The following IRAK2 variants were observed in gnomAD, a reference collection of about 807,000 sequenced individuals.
IRAK2 encodes interleukin-1 receptor-associated kinase-like 2.
A neutral mutation model predicts 72.0 loss-of-function variants in IRAK2; 57 were observed. The observed-to-expected ratio is 0.79, with a 90% CI of 0.64 to 0.99. IRAK2 has a LOEUF of 0.99. Ranked by LOEUF, IRAK2 falls within the 50% of genes least tolerant of loss-of-function variation. IRAK2 has a pLI of 0.00. For synonymous variants in IRAK2, 293 were observed against 312.7 expected (o/e 0.94, Z 0.67); for missense variants, 790 against 794.4 (o/e 0.99, Z 0.07).
chr3:10,174,937 A>AAAAAAAAAAAAAT (rs1696849438), intron 1 of IRAK2, among the ~76,000 whole-genome samples: 1 of 151,518 alleles, frequency 6.6e-6, no homozygotes, highest in African/African-American at 2.4e-5. Context: ...TGTACCAAAA[A>AAAAAAAAAAAAAT]AAAAAATTAG....
chr3:10,219,796 G>C lies in IRAK2; in HGVS notation c.1013+7G>C, dbSNP rs374565106. ...TCCACAGCAACGTCAAGAGGTGAGA[G>C]AGGTGGGCTGGACCCTGCTGGGGCC... On this transcript the variant is annotated splice_region_variant and intron_variant, in intron 8 of 12. Transcript: ENST00000256458. 3 of 1,600,962 alleles carry C rather than the reference G, an allele frequency of 1.9e-6. No homozygotes were observed. The highest frequency in any genetic ancestry group is 2.7e-5 in the African/African-American group (2 of 74,580).
At position 10,164,929 on chromosome 3, in the gene IRAK2, C is replaced by G; in HGVS notation, c.-26C>G. ...CGCAGTGTCCGACCCAGTCGTCCCG[C>G]GCCGGAGCCGGCCCCGTAGCGTGCC... On this transcript the variant is annotated 5_prime_UTR_variant, in exon 1 of 13. Transcript: ENST00000256458. 6.4e-7 allele frequency: 1 copy of G among 1,564,660 alleles called. No homozygotes were observed. The highest frequency in any genetic ancestry group is 8.7e-7 in the Non-Finnish European group (1 of 1,149,274).
At chr3:10,233,656 C>T (rs971553606) in intron 10 of IRAK2, among the ~76,000 whole-genome samples, 1 of 152,010 alleles carries the variant, frequency 6.6e-6, no homozygotes, top group African/African-American at 2.4e-5. Context: ...ATGTTTGTAT[C>T]ATAAGAGATT....
chr3:10,197,830 C>T (rs1218939216), intron 2 of IRAK2, among the ~76,000 whole-genome samples: 3 of 148,160 alleles, frequency 2.0e-5, no homozygotes, highest in South Asian at 2.1e-4. Context: ...CTAGCCTGGG[C>T]GACAGAGTGA....
rs1452415381 is a variant in IRAK2, at chr3:10,239,146, C to CGAAT, written c.1765+107_1765+108insGAAT. On this transcript the variant is annotated intron_variant, in intron 12 of 12. Transcript: ENST00000256458. ...TCATTCACTCCTTCATTTGGTTATT[C>CGAAT]AGCCATTCACCAACCAGCCAGTTTT... 6.6e-6 allele frequency: 7 copies of CGAAT among 1,054,504 alleles called. No homozygotes were observed. The Admixed American group carries it at 1.1e-4, about 17-fold the overall frequency. The allele number at this position is 1,054,504 out of a possible 1,614,324, so 65.3% of individuals were successfully genotyped here. A position where few individuals can be genotyped will look rare whatever the true frequency, so the allele number is the denominator to read the frequency against.
chr3:10,232,486 A>G (rs946188549), intron 10 of IRAK2, among the ~76,000 whole-genome samples: 1 of 152,174 alleles, frequency 6.6e-6, no homozygotes, highest in African/African-American at 2.4e-5. Flanking sequence ...TTTAGTGCTA[A>G]GATTGATCAG....
At chr3:10,184,723 G>GTTTTTT (rs55839723) in intron 2 of IRAK2, among the ~76,000 whole-genome samples, 15 of 102,022 alleles carry the variant, frequency 1.5e-4, no homozygotes, top group East Asian at 7.4e-4. Context: ...GTTTTTGTGT[G>GTTTTTT]TTTTTTTTTT....
intron 1 of IRAK2, among the ~76,000 whole-genome samples, chr3:10,171,982 A>G (rs1222491319): frequency 1.3e-5 from 2 of 151,996 alleles, no homozygotes; most frequent in African/African-American, 4.8e-5. Context: ...TCACGGCTGT[A>G]ATCTCAGCAC....
At chr3:10,199,633 C>T (rs1048292097) in intron 2 of IRAK2, among the ~76,000 whole-genome samples, 17 of 152,130 alleles carry the variant, frequency 1.1e-4, no homozygotes, top group African/African-American at 3.4e-4. Context: ...GTCTTTGACC[C>T]GCTCACGTGT....
At chr3:10,223,265 T>A (rs997968916) in intron 9 of IRAK2, among the ~76,000 whole-genome samples, 2 of 152,184 alleles carry the variant, frequency 1.3e-5, no homozygotes, top group Non-Finnish European at 2.9e-5. Flanking sequence ...CCTTATTTGT[T>A]CATCGCTGTC....
chr3:10,165,371 C>G (rs1166912989), intron 1 of IRAK2, among the ~76,000 whole-genome samples: 2 of 152,174 alleles, frequency 1.3e-5, no homozygotes, highest in Admixed American at 1.3e-4. Flanking sequence ...CAGCCCACAA[C>G]AGCCTGCAAA....
At chr3:10,173,748 C>G (rs913133922) in intron 1 of IRAK2, among the ~76,000 whole-genome samples, 1 of 152,162 alleles carries the variant, frequency 6.6e-6, no homozygotes, top group African/African-American at 2.4e-5. Context: ...TTGCTTGAAC[C>G]TGGGAGGCAT....
chr3:10,181,383 G>C (rs1696957777), intron 2 of IRAK2, among the ~76,000 whole-genome samples: 1 of 152,172 alleles, frequency 6.6e-6, no homozygotes, highest in Admixed American at 6.5e-5. Context: ...GCCGAGGCGG[G>C]TAGATCACCT....
chr3:10,201,418 A>G (rs1010417833), intron 3 of IRAK2, among the ~76,000 whole-genome samples: 9 of 152,218 alleles, frequency 5.9e-5, no homozygotes, highest in African/African-American at 1.9e-4. Context: ...GCAGTGGGGA[A>G]TTGAGGGGTG....
At chr3:10,229,343 G>A (rs1697825463) in intron 10 of IRAK2, among the ~76,000 whole-genome samples, 2 of 152,196 alleles carry the variant, frequency 1.3e-5, no homozygotes, top group African/African-American at 4.8e-5. Context: ...TCGAATGCCT[G>A]GGCTCAAGCG....
intron 9 of IRAK2, among the ~76,000 whole-genome samples, chr3:10,224,814 C>G (rs979099203): frequency 1.2e-5 from 1 of 85,922 alleles, no homozygotes. Context: ...CATTGAATGC[C>G]TCCTGGCTCC....
chr3:10,183,995 G>A (rs1029592052), intron 2 of IRAK2, among the ~76,000 whole-genome samples: 5 of 152,188 alleles, frequency 3.3e-5, no homozygotes, highest in African/African-American at 7.2e-5. Flanking sequence ...TGGCAGCTCC[G>A]TGGTTTTGTG....
chr3:10,199,330 C>T (rs1275557686), intron 2 of IRAK2, among the ~76,000 whole-genome samples: 1 of 152,150 alleles, frequency 6.6e-6, no homozygotes. Flanking sequence ...GGGAGTTCTT[C>T]GGCCAGTCCT....
chr3:10,165,980 G>C (rs969523173), intron 1 of IRAK2, among the ~76,000 whole-genome samples: 19 of 151,936 alleles, frequency 1.3e-4, no homozygotes, highest in Non-Finnish European at 2.2e-4. Flanking sequence ...CGCCCACCCT[G>C]GGCCTCCCAA....
Sources: gnomAD v4.1 joint callset for allele counts (sites outside exome capture counted in the v4.1 genomes callset) on GRCh38, gnomAD v4.1.1 for gene constraint, MANE v1.5 for transcripts, NCBI Gene and HGNC (gene_info 2026-07-23, HGNC 2026-07-21) for gene names.